Variants in ANGPT2 observed in about 807,000 individuals in gnomAD.
ANGPT2 encodes the protein angiopoietin 2, also known as angiopoietin-2.
In ANGPT2, 28 loss-of-function variants were observed where a neutral mutation model predicts 62.9. The observed-to-expected ratio is 0.44, with a 90% CI of 0.33 to 0.61. ANGPT2 has a LOEUF of 0.61. Among genes scored for constraint, ANGPT2 ranks in the 20% least tolerant of loss-of-function variants. ANGPT2 has a pLI of 0.03. For missense variants in ANGPT2, 727 were observed against 594.9 expected, an observed-to-expected ratio of 1.22 and a Z score of -2.31; for synonymous variants, 284 against 207.8, an observed-to-expected ratio of 1.37 and a Z score of -3.15.
rs1283055006 is a variant in ANGPT2, at chr8:6,519,888, G to C, written c.903C>G (p.Phe301Leu). ...HTTNGIYTLT[F>L]PNSTEEIKAY... ...CCTTGATCTCTTCTGTAGAATTAGG[G>C]AATGTTAACGTGTAGATGCCATTCG... is the stretch of plus-strand genomic sequence containing the variant. Residue 301 changes from phenylalanine (F) to leucine (L), a missense_variant, in exon 5 of 9, where the codon TTC (phenylalanine) becomes TTG (leucine). Coordinates refer to ENST00000629816, the MANE Select transcript of ANGPT2 (RefSeq NM_001118887.2). 6.2e-7 allele frequency: 1 copy of C among 1,614,044 alleles called. No homozygotes were observed. The highest frequency in any genetic ancestry group is 8.5e-7 in the Non-Finnish European group (1 of 1,179,934).
chr8:6,509,885 A>G (rs1814627434), intron 7 of ANGPT2, among the ~76,000 whole-genome samples: 1 of 152,236 alleles, frequency 6.6e-6, no homozygotes, highest in African/African-American at 2.4e-5. Context: ...TGGGGATCAC[A>G]GGACTGACTG....
chr8:6,559,796 C>G (rs537855071), intron 1 of ANGPT2, among the ~76,000 whole-genome samples: 5 of 152,298 alleles, frequency 3.3e-5, no homozygotes, highest in Non-Finnish European at 5.9e-5. Flanking sequence ...GCAGGATTAG[C>G]AAGAGAGACG....
chr8:6,542,475 T>C lies in ANGPT2; in HGVS notation c.289-9988A>G, dbSNP rs532091195. ...CCCTGTAATATTGTCGGAGTGTCAC[T>C]GTAAGAGGGACGCTAGCGCCTGGGT... On this transcript the variant is annotated intron_variant, in intron 1 of 8. Coordinates refer to ENST00000629816, the MANE Select transcript of ANGPT2 (RefSeq NM_001118887.2). Among the ~76,000 whole-genome samples the C allele has an allele frequency of 6.6e-4, 100 of 152,184 alleles. No individual in the cohort carries two copies. The South Asian group carries it at 0.013, about 20-fold the overall frequency.
intron 7 of ANGPT2, among the ~76,000 whole-genome samples, chr8:6,511,023 G>A (rs1459090312): frequency 1.3e-5 from 2 of 152,168 alleles, no homozygotes; most frequent in African/African-American, 4.8e-5. Flanking sequence ...ATTAATCATA[G>A]ACAGGATTGA....
At chr8:6,524,527 G>A (rs985003100) in intron 3 of ANGPT2, among the ~76,000 whole-genome samples, 5 of 152,152 alleles carry the variant, frequency 3.3e-5, no homozygotes, top group South Asian at 2.1e-4. Flanking sequence ...TGACATACAC[G>A]TTTCACTGAG....
intron 1 of ANGPT2, among the ~76,000 whole-genome samples, chr8:6,543,826 A>T (rs553972510): frequency 6.6e-6 from 1 of 152,178 alleles, no homozygotes; most frequent in Non-Finnish European, 1.5e-5. Flanking sequence ...TACATAATTT[A>T]AACCCCCTGT....
rs1363120213 is a variant in ANGPT2, at chr8:6,499,953, T to C, written c.*3148A>G. 2 of 1,593,478 alleles carry C rather than the reference T, an allele frequency of 1.3e-6. No individual in the cohort carries two copies. The stretch of plus-strand genomic sequence containing the variant: ...CCGTAAGTCAGATGTTGTTTTACGA[T>C]GGTAAATGCAGTTTGCTGTTCTCAA... On this transcript the variant is annotated 3_prime_UTR_variant, in exon 9 of 9. Coordinates refer to ENST00000629816, the MANE Select transcript of ANGPT2 (RefSeq NM_001118887.2).
Position 6,521,315 on chromosome 8 carries a change from G to T in ANGPT2, c.662C>A (p.Ser221Tyr). ...EEKDQLQVLVSKQNSIIEELE... is the reference protein window; with the variant it reads ...EEKDQLQVLVYKQNSIIEELE... ...TTCTTCAATGATGGAATTTTGCTTG[G>T]ATACTAACACCTGTAGCTGATCTTT... The change falls in exon 4 of 9, where the codon TCC (serine) becomes TAC (tyrosine). Residue 221 changes from serine to tyrosine, a missense_variant. Physicochemically the swap from Ser to Tyr is moderately radical, Grantham distance 144. Transcript: ENST00000629816. 1 of 1,613,742 alleles carries T rather than the reference G, an allele frequency of 6.2e-7. No homozygotes were observed. Among genetic ancestry groups the T allele is most frequent in the Non-Finnish European group, 8.5e-7 (1 of 1,179,900 alleles).
intron 1 of ANGPT2, among the ~76,000 whole-genome samples, chr8:6,544,112 T>C (rs1205888719): frequency 6.6e-6 from 1 of 152,264 alleles, no homozygotes; most frequent in Non-Finnish European, 1.5e-5. Context: ...AACTTTTTGT[T>C]TTCCAAACAT....
intron 7 of ANGPT2, among the ~76,000 whole-genome samples, chr8:6,509,829 C>A (rs1279515922): frequency 6.6e-6 from 1 of 152,198 alleles, no homozygotes; most frequent in African/African-American, 2.4e-5. Flanking sequence ...CACAGTCAGA[C>A]AGAGCCATTT....
At position 6,502,816 on chromosome 8, in the gene ANGPT2, C is replaced by T. The variant is rs558822563; in HGVS notation, c.*285G>A. ...ATAACATTCTTGGTTGTGACAGCAG[C>T]GTCTGTAAACTGTCAGTCTGATTCT... On this transcript the variant is annotated 3_prime_UTR_variant, in exon 9 of 9. Transcript: ENST00000629816. 2.2e-4 allele frequency: 90 copies of T among 410,714 alleles called. No homozygotes were observed. Among genetic ancestry groups the T allele is most frequent in the Non-Finnish European group, 3.5e-4 (79 of 226,820 alleles). The allele number at this position is 410,714 out of a possible 1,614,324, so 25.4% of individuals were successfully genotyped here. A position where few individuals can be genotyped will look rare whatever the true frequency, so the allele number is the denominator to read the frequency against.
chr8:6,538,582 C>T (rs991109754), intron 1 of ANGPT2, among the ~76,000 whole-genome samples: 6 of 152,212 alleles, frequency 3.9e-5, no homozygotes, highest in African/African-American at 1.4e-4. Flanking sequence ...CCAGCGGCCT[C>T]ATACCACGGC....
intron 1 of ANGPT2, among the ~76,000 whole-genome samples, chr8:6,540,939 C>G (rs1446632566): frequency 2.0e-5 from 3 of 152,246 alleles, no homozygotes; most frequent in African/African-American, 7.2e-5. Context: ...GAACATCCAC[C>G]TGGGGCAAGA....
chr8:6,508,612 A>G (rs1814276101), intron 8 of ANGPT2: 2 of 481,236 alleles, frequency 4.2e-6, no homozygotes, highest in Admixed American at 7.8e-5. Context: ...AGCAAAATGT[A>G]ATTAAACCAT....
Position 6,522,464 on chromosome 8 carries a change from G to A in ANGPT2, c.567-1054C>T, listed in dbSNP as rs1324261521. Among the ~76,000 whole-genome samples, 6 of 152,070 alleles carry A rather than the reference G, an allele frequency of 3.9e-5. No individual in the cohort carries two copies. The East Asian group carries it at 1.2e-3, about 30-fold the overall frequency. On this transcript the variant is annotated intron_variant, in intron 3 of 8. Coordinates refer to ENST00000629816, the MANE Select transcript of ANGPT2 (RefSeq NM_001118887.2). ...AGACATTATTATTCCCATTTCCAAT[G>A]AGGAAATTGAAACTTAGGGACATTG... is the stretch of plus-strand genomic sequence containing the variant.
intron 8 of ANGPT2, among the ~76,000 whole-genome samples, 189 bp from the exon 9 acceptor site, chr8:6,503,450 G>A (rs1341032979): frequency 6.6e-6 from 1 of 152,198 alleles, no homozygotes; most frequent in Non-Finnish European, 1.5e-5. Context: ...TGACATCACA[G>A]TTCCATTACG....
chr8:6,527,113 A>G (rs1449974879), intron 3 of ANGPT2, among the ~76,000 whole-genome samples: 1 of 152,234 alleles, frequency 6.6e-6, no homozygotes, highest in Non-Finnish European at 1.5e-5. Context: ...ATACTGAAAT[A>G]AAATGCCTGG....
chr8:6,520,151 A>C (rs1817040190), intron 4 of ANGPT2, among the ~76,000 whole-genome samples, 160 bp from the exon 5 acceptor site: 1 of 152,174 alleles, frequency 6.6e-6, no homozygotes, highest in Non-Finnish European at 1.5e-5. Flanking sequence ...GTTTCCTTTC[A>C]GCCTGTTTTC....
At chr8:6,534,410 C>T (rs1286246914) in intron 1 of ANGPT2, among the ~76,000 whole-genome samples, 3 of 152,028 alleles carry the variant, frequency 2.0e-5, no homozygotes, top group Non-Finnish European at 2.9e-5. Context: ...TTGGTATTCT[C>T]GGGAATCTTG....
Sources: gnomAD v4.1 joint callset for allele counts (sites outside exome capture counted in the v4.1 genomes callset) on GRCh38, gnomAD v4.1.1 for gene constraint, MANE v1.5 for transcripts, NCBI Gene and HGNC (gene_info 2026-07-23, HGNC 2026-07-21) for gene names.